Variants in BTD observed in about 807,000 individuals in gnomAD.
BTD encodes the protein biocytinase.
BTD carries 13 observed loss-of-function variants against 17.7 expected under a neutral mutation model. The observed-to-expected ratio is 0.74, with a 90% CI of 0.48 to 1.17. The LOEUF is 1.17. BTD is among the 50% of genes most tolerant of loss of function. The pLI is 0.00. For missense variants in BTD, 674 were observed against 650.4 expected, an observed-to-expected ratio of 1.04 and a Z score of -0.39; for synonymous variants, 240 against 245.2, an observed-to-expected ratio of 0.98 and a Z score of 0.20.
At chr3:15,642,615 C>T (rs943055743) in intron 3 of BTD, among the ~76,000 whole-genome samples, 8 of 151,992 alleles carry the variant, frequency 5.3e-5, no homozygotes, top group African/African-American at 9.6e-5. Flanking sequence ...CCACCACGCC[C>T]GGCTAATTTT....
intron 3 of BTD, among the ~76,000 whole-genome samples, chr3:15,659,205 C>T (rs1372924151): frequency 6.6e-6 from 1 of 152,208 alleles, no homozygotes; most frequent in East Asian, 1.9e-4. Context: ...CTCTAGGAAG[C>T]ATAATGACCT....
downstream of BTD, among the ~76,000 whole-genome samples, chr3:15,716,978 C>A (rs1214141517): frequency 2.0e-5 from 3 of 152,078 alleles, no homozygotes; most frequent in Non-Finnish European, 4.4e-5. Flanking sequence ...TCCCTTCCTC[C>A]TAAAAAGCCA....
At chr3:15,689,536 C>A (rs1166998804) in intron 3 of BTD, among the ~76,000 whole-genome samples, 4 of 152,196 alleles carry the variant, frequency 2.6e-5, no homozygotes, top group Non-Finnish European at 5.9e-5. Context: ...GGGGCACTTA[C>A]ATCTTTTGTG....
intron 1 of BTD, among the ~76,000 whole-genome samples, chr3:15,618,856 CT>C (rs759309596): frequency 2.6e-5 from 4 of 152,174 alleles, no homozygotes; most frequent in Admixed American, 2.6e-4. Context: ...TAAAAGTCCA[CT>C]GTTTTTTGCT....
intron 3 of BTD, chr3:15,670,555 G>C (rs2066233784): frequency 6.2e-7 from 1 of 1,606,984 alleles, no homozygotes; most frequent in Non-Finnish European, 8.5e-7. Context: ...CTGGGGTATA[G>C]CCTAGAATTA....
chr3:15,679,159 C>T (rs1191145513), intron 3 of BTD: 1 of 695,042 alleles, frequency 1.4e-6, no homozygotes, highest in South Asian at 1.8e-5. Flanking sequence ...GGTAGAGATG[C>T]AGGTCTTGCT....
chr3:15,643,974 A>AG (rs2065613223), intron 3 of BTD, among the ~76,000 whole-genome samples: 1 of 17,490 alleles, frequency 5.7e-5, no homozygotes, highest in Non-Finnish European at 1.2e-4. Flanking sequence ...TATTTAATTT[A>AG]TTTATTTATT....
chr3:15,674,089 T>C (rs1228967035), intron 3 of BTD, among the ~76,000 whole-genome samples: 1 of 138,886 alleles, frequency 7.2e-6, no homozygotes, highest in Non-Finnish European at 1.5e-5. Flanking sequence ...AGAGGTTCTC[T>C]TGAGCCCAGG....
At chr3:15,618,319 T>C (rs1001225134) in intron 1 of BTD, among the ~76,000 whole-genome samples, 4 of 152,112 alleles carry the variant, frequency 2.6e-5, no homozygotes. Context: ...GGGATTTCAG[T>C]TGGGATTGTG....
rs2065327597 is a variant in BTD, at chr3:15,635,629, G to A, written c.190G>A (p.Glu64Lys). The change falls in exon 2 of 4, where the codon GAG becomes AAG. Residue 64 changes from glutamate (E) to lysine (K), a missense_variant. Glu to Lys is a moderately conservative substitution (Grantham distance 56, BLOSUM62 1). Coordinates refer to ENST00000643237, the MANE Select transcript of BTD (RefSeq NM_001370658.1). The surrounding 1 kb of genome is among the most constrained non-coding windows in gnomAD (Gnocchi z 4.1). ...TCTCATCAGCCGCCAAGAGGCCTTG[G>A]AGCTCATGAACCAGAACCTTGACAT... ...LALISRQEALELMNQNLDIYE... is the reference protein window; with the variant it reads ...LALISRQEALKLMNQNLDIYE... 8 of 1,614,204 alleles carry A rather than the reference G, an allele frequency of 5.0e-6. No homozygotes were observed. Among genetic ancestry groups the A allele is most frequent in the Non-Finnish European group, 5.1e-6 (6 of 1,180,032 alleles).
intron 3 of BTD, chr3:15,679,656 A>G: frequency 1.1e-6 from 1 of 949,172 alleles, no homozygotes; most frequent in Non-Finnish European, 1.6e-6. Flanking sequence ...AAAATGTAAA[A>G]GTCTCTCCCT....
chr3:15,668,519 A>C (rs1449580825), intron 3 of BTD: 1 of 152,536 alleles, frequency 6.6e-6, no homozygotes, highest in Non-Finnish European at 1.5e-5. Context: ...ATATTTTAGA[A>C]AAAATGCTTA....
chr3:15,614,628 C>G (rs912020929), intron 1 of BTD, among the ~76,000 whole-genome samples: 16 of 144,834 alleles, frequency 1.1e-4, no homozygotes, highest in Non-Finnish European at 1.9e-4. Flanking sequence ...CACAGAGTCT[C>G]TCTCTATTAC....
intron 1 of BTD, among the ~76,000 whole-genome samples, chr3:15,604,572 T>C (rs2064386328): frequency 6.6e-6 from 1 of 152,250 alleles, no homozygotes; most frequent in African/African-American, 2.4e-5. Flanking sequence ...TTATTACCTA[T>C]GCAAATTTCT....
Position 15,644,768 on chromosome 3 carries a change from A to G in BTD, c.852A>G (p.Pro284=), listed in dbSNP as rs778024234. 137 of 1,614,022 alleles carry G rather than the reference A, an allele frequency of 8.5e-5. No homozygotes were observed. The highest frequency in any genetic ancestry group is 1.1e-4 in the Non-Finnish European group (128 of 1,180,042). ...TTCTGGCAGCTAATGTCCACCACCC[A>G]GTTCTGGGGATGACAGGAAGTGGCA... is the stretch of plus-strand genomic sequence containing the variant. ...INVLAANVHH[P]VLGMTGSGIH... The change falls in exon 4 of 4, where the codon CCA becomes CCG. Residue 284 remains proline (P), a synonymous_variant. Transcript: ENST00000643237.
Position 15,662,853 on chromosome 3 carries a change from G to GTTT in BTD, c.399+20812_399+20814dup, listed in dbSNP as rs34083448. On this transcript the variant is annotated intron_variant, in intron 3 of 3. Coordinates refer to the BTD transcript ENST00000672141. ...TTTCATCATCTTGCCCAGGCTGGAG[G>GTTT]TTTTTTTTTTTTTTTTTTAATAGAT... is the stretch of plus-strand genomic sequence containing the variant. Among the ~76,000 whole-genome samples the GTTT allele has an allele frequency of 8.0e-4, 101 of 126,548 alleles. No individual in the cohort carries two copies. The East Asian group carries it at 8.1e-3, about 10-fold the overall frequency. The allele number at this position is 126,548 out of a possible 152,430, so 83.0% of individuals were successfully genotyped here.
At chr3:15,625,720 T>C (rs916514393) in intron 1 of BTD, among the ~76,000 whole-genome samples, 1 of 152,126 alleles carries the variant, frequency 6.6e-6, no homozygotes, top group South Asian at 2.1e-4. Context: ...CTCGCCCAGC[T>C]AATTTTTTGT....
At position 15,635,575 on chromosome 3, in the gene BTD, C is replaced by T; in HGVS notation, c.136C>T (p.Pro46Ser). Residue 46 changes from proline (P) to serine (S), a missense_variant, in exon 2 of 4, where the codon CCA becomes TCA. Pro to Ser is a moderately conservative substitution (Grantham distance 74). Transcript: ENST00000643237. The surrounding 1 kb of genome is among the most constrained non-coding windows in gnomAD (Gnocchi z 4.1). The stretch of plus-strand genomic sequence containing the variant: ...TTATGTGGCTGCCGTGTATGAGCAT[C>T]CATCCATCCTGAGTCTGAACCCTCT... ...EYYVAAVYEH[P>S]SILSLNPLAL... 2 of 1,614,200 alleles carry T rather than the reference C, an allele frequency of 1.2e-6. No individual in the cohort carries two copies. Among genetic ancestry groups the T allele is most frequent in the Non-Finnish European group, 1.7e-6 (2 of 1,180,034 alleles).
downstream of BTD, among the ~76,000 whole-genome samples, chr3:15,656,347 T>G (rs919953730): frequency 3.0e-4 from 45 of 152,176 alleles, no homozygotes; most frequent in African/African-American, 1.1e-3. Flanking sequence ...ACTTCACCAC[T>G]GTACCTCACG....
Sources: allele counts gnomAD v4.1 joint callset (sites outside exome capture counted in the v4.1 genomes callset), GRCh38; gene constraint gnomAD v4.1.1; non-coding constraint Gnocchi (gnomAD v3.1); transcripts MANE v1.5; gene names NCBI Gene and HGNC (gene_info 2026-07-23, HGNC 2026-07-21).